TAMM41: variants seen among roughly 807,000 people sequenced by gnomAD.
TAMM41 encodes the protein phosphatidate cytidylyltransferase, mitochondrial.
In TAMM41, 36 loss-of-function variants were observed where a neutral mutation model predicts 44.1. That is an observed-to-expected ratio of 0.82 (90% CI 0.63 to 1.08). TAMM41 has a LOEUF of 1.08. TAMM41 is among the 50% of genes least tolerant of loss of function. TAMM41 has a pLI of 0.00. For missense variants in TAMM41, 417 were observed against 404.3 expected, an observed-to-expected ratio of 1.03 and a Z score of -0.27; for synonymous variants, 164 against 153.1, an observed-to-expected ratio of 1.07 and a Z score of -0.53.
intron 7 of TAMM41, among the ~76,000 whole-genome samples, chr3:11,799,291 A>C (rs959558087): frequency 6.6e-6 from 1 of 152,212 alleles, no homozygotes; most frequent in Admixed American, 6.5e-5. Context: ...AACCAAACAT[A>C]ATCTTCACAA....
chr3:11,727,078 C>T, the TAMM41 span, among the ~76,000 whole-genome samples: 1 of 152,154 alleles, frequency 6.6e-6, no homozygotes, highest in Non-Finnish European at 1.5e-5. Context: ...ATGTTTCAGG[C>T]ACCACTCTAA....
the TAMM41 span, among the ~76,000 whole-genome samples, chr3:11,747,181 G>T: frequency 6.6e-6 from 1 of 152,126 alleles, no homozygotes; most frequent in African/African-American, 2.4e-5. Flanking sequence ...TCCTGCCTCA[G>T]CCTCCCGAGT....
chr3:11,837,805 G>T (rs2079246650), intron 3 of TAMM41, among the ~76,000 whole-genome samples: 1 of 152,194 alleles, frequency 6.6e-6, no homozygotes, highest in Non-Finnish European at 1.5e-5. Context: ...GAGGCACCAG[G>T]CACCTCCTCT....
the TAMM41 span, among the ~76,000 whole-genome samples, chr3:11,730,884 G>A: frequency 2.0e-5 from 3 of 152,212 alleles, no homozygotes; most frequent in Non-Finnish European, 4.4e-5. Context: ...GGGTTCGAAT[G>A]TGAGCACCAT....
chr3:11,842,659 A>C (rs946392989), intron 2 of TAMM41, among the ~76,000 whole-genome samples: 7 of 152,034 alleles, frequency 4.6e-5, no homozygotes, highest in Non-Finnish European at 1.5e-5. Context: ...GTGCCACTGC[A>C]TTCTAGCCTG....
chr3:11,740,392 T>C, the TAMM41 span, among the ~76,000 whole-genome samples: 5 of 152,214 alleles, frequency 3.3e-5, no homozygotes, highest in African/African-American at 1.2e-4. Flanking sequence ...TCTGTATCAT[T>C]TGCCCCAATG....
the TAMM41 span, among the ~76,000 whole-genome samples, chr3:11,763,921 A>G: frequency 6.6e-6 from 1 of 152,226 alleles, no homozygotes; most frequent in African/African-American, 2.4e-5. Flanking sequence ...TTTTGTTTCA[A>G]TATTATCTTT....
chr3:11,728,593 G>T, the TAMM41 span, among the ~76,000 whole-genome samples: 1 of 152,200 alleles, frequency 6.6e-6, no homozygotes, highest in Admixed American at 6.5e-5. Context: ...GACCCAACTG[G>T]ATGGGGTCCA....
At chr3:11,780,476 T>C in the TAMM41 span, among the ~76,000 whole-genome samples, 5 of 152,318 alleles carry the variant, frequency 3.3e-5, no homozygotes, top group South Asian at 1.0e-3. Context: ...AAAGACAGTT[T>C]AGTCAAGAGG....
chr3:11,729,538 C>CTTTTTTTTTTTTTTTTTTTTTTTTTTTT, the TAMM41 span, among the ~76,000 whole-genome samples: 21 of 65,540 alleles, frequency 3.2e-4, 4 homozygotes, highest in African/African-American at 9.5e-4. Flanking sequence ...TTCTTTCTTT[C>CTTTTTTTTTTTTTTTTTTTTTTTTTTTT]ATTTTTTTTT....
chr3:11,772,558 GGT>G, the TAMM41 span, among the ~76,000 whole-genome samples: 1 of 151,984 alleles, frequency 6.6e-6, no homozygotes, highest in Non-Finnish European at 1.5e-5. Context: ...GTATATCCAT[GGT>G]GTGTGTATGT....
chr3:11,790,454 G>A lies in TAMM41; in HGVS notation c.*51C>T, dbSNP rs2077451139. ...GTAACAAACACTGTTCTGTCAAAAA[G>A]GATCAAACACTTTATTCATCTACAC... On this transcript the variant is annotated 3_prime_UTR_variant, in exon 8 of 8. Coordinates refer to ENST00000455809, the MANE Select transcript of TAMM41 (RefSeq NM_001284401.2). 5.4e-6 allele frequency: 8 copies of A among 1,485,830 alleles called. No individual in the cohort carries two copies. The East Asian group carries it at 1.8e-4, about 34-fold the overall frequency. 92.0% of individuals were successfully genotyped at this position (1,485,830 alleles called of 1,614,324 possible).
chr3:11,756,207 T>C, the TAMM41 span, among the ~76,000 whole-genome samples: 1 of 152,338 alleles, frequency 6.6e-6, no homozygotes, highest in Non-Finnish European at 1.5e-5. Context: ...TTAATGCTTT[T>C]CAATTCTAGA....
At chr3:11,837,718 T>G (rs1302647787) in intron 3 of TAMM41, among the ~76,000 whole-genome samples, 2 of 152,202 alleles carry the variant, frequency 1.3e-5, no homozygotes, top group Non-Finnish European at 2.9e-5. Flanking sequence ...TTGGGACGCA[T>G]CAGTGGACAA....
chr3:11,813,177 A>G (rs549416111), intron 5 of TAMM41, among the ~76,000 whole-genome samples: 1 of 152,306 alleles, frequency 6.6e-6, no homozygotes, highest in East Asian at 1.9e-4. Context: ...CTAGCCAGAG[A>G]ATAGAAGATC....
the TAMM41 span, among the ~76,000 whole-genome samples, chr3:11,726,380 C>T: frequency 6.6e-6 from 1 of 152,354 alleles, no homozygotes; most frequent in East Asian, 1.9e-4. Context: ...GTTAGGCAAA[C>T]AGGTTTCCTT....
chr3:11,845,425 G>T (rs1222608014), intron 1 of TAMM41, among the ~76,000 whole-genome samples: 1 of 152,170 alleles, frequency 6.6e-6, no homozygotes, highest in Non-Finnish European at 1.5e-5. Context: ...AAACCTCCAT[G>T]GAAGAATGAA....
At chr3:11,772,694 T>C in the TAMM41 span, among the ~76,000 whole-genome samples, 3 of 152,176 alleles carry the variant, frequency 2.0e-5, no homozygotes, top group Admixed American at 1.3e-4. Flanking sequence ...AGTAAAGGGA[T>C]TGGAGTCTAA....
intron 5 of TAMM41, among the ~76,000 whole-genome samples, chr3:11,814,865 G>C (rs1161438904): frequency 6.6e-6 from 1 of 152,170 alleles, no homozygotes; most frequent in Non-Finnish European, 1.5e-5. Flanking sequence ...TCAGGAGGTT[G>C]AGGTGGGAGA....
Sources: gnomAD v4.1 joint callset for allele counts (sites outside exome capture counted in the v4.1 genomes callset) on GRCh38, gnomAD v4.1.1 for gene constraint, MANE v1.5 for transcripts, NCBI Gene and HGNC (gene_info 2026-07-23, HGNC 2026-07-21) for gene names.